The following ADGRG5 variants were observed in gnomAD, a reference collection of about 807,000 sequenced individuals.
ADGRG5 encodes adhesion G protein-coupled receptor G5.
ADGRG5 carries 37 observed loss-of-function variants against 53.2 expected under a neutral mutation model. The observed-to-expected ratio is 0.70, with a 90% CI of 0.53 to 0.91. ADGRG5 has a LOEUF of 0.91. Ranked by LOEUF, ADGRG5 falls within the 40% of genes least tolerant of loss-of-function variation. ADGRG5 has a pLI of 0.00. For missense variants in ADGRG5, 614 were observed against 675.8 expected, an observed-to-expected ratio of 0.91 and a Z score of 1.01; for synonymous variants, 277 against 290.4, an observed-to-expected ratio of 0.95 and a Z score of 0.47.
At position 57,565,021 on chromosome 16, in the gene ADGRG5, GC is replaced by G; in HGVS notation, c.430-12del. 1 of 1,566,096 alleles carries G rather than the reference GC, an allele frequency of 6.4e-7. No homozygotes were observed. On this transcript the variant is annotated splice_polypyrimidine_tract_variant and intron_variant, in intron 5 of 11. Coordinates refer to ENST00000349457, the MANE Select transcript of ADGRG5 (RefSeq NM_001304376.3). ...TTCCCCTCCACTCAGCCCTTCTCCT[GC>G]TGCCCTTCCAGGATGAAAACAACTC...
At chr16:57,536,214 C>A in the ADGRG5 span, among the ~76,000 whole-genome samples, 2 of 152,102 alleles carry the variant, frequency 1.3e-5, no homozygotes, top group Non-Finnish European at 2.9e-5. Context: ...CCGCCGCCCC[C>A]TCCCGTCCGG....
intron 1 of ADGRG5, among the ~76,000 whole-genome samples, chr16:57,551,168 C>T (rs1306420578): frequency 6.6e-6 from 1 of 152,208 alleles, no homozygotes; most frequent in African/African-American, 2.4e-5. Context: ...GAGCCTTCAA[C>T]AAATCACACG....
intron 1 of ADGRG5, among the ~76,000 whole-genome samples, chr16:57,548,193 TA>T (rs1212549095): frequency 6.6e-6 from 1 of 151,540 alleles, no homozygotes; most frequent in African/African-American, 2.4e-5. Flanking sequence ...TTTTTTTTTT[TA>T]AAGAATACAC....
At position 57,561,109 on chromosome 16, in the gene ADGRG5, T is replaced by A. The variant is rs148693883; in HGVS notation, c.-38-947T>A. ...TCGCTGTTTTTAGCCTCTTCCTTCA[T>A]CCCCTCTTCAGAGGTTACTGATGCC... On this transcript the variant is annotated intron_variant, in intron 1 of 11. Coordinates refer to ENST00000349457, the MANE Select transcript of ADGRG5 (RefSeq NM_001304376.3). 3.3e-5 allele frequency among the ~76,000 whole-genome samples: 5 copies of A among 152,330 alleles called. No individual in the cohort carries two copies. In the East Asian group the frequency reaches 9.7e-4, roughly 29 times the overall value.
intron 1 of ADGRG5, among the ~76,000 whole-genome samples, chr16:57,561,216 T>C (rs1461263883): frequency 1.3e-5 from 2 of 152,242 alleles, no homozygotes; most frequent in Non-Finnish European, 2.9e-5. Flanking sequence ...TGCAGGCACT[T>C]GGGTTCAACT....
chr16:57,575,861 GT>G lies in ADGRG5; in HGVS notation c.*324del. 1 of 328,040 alleles carries G rather than the reference GT, an allele frequency of 3.0e-6. No individual in the cohort carries two copies. The highest frequency in any genetic ancestry group is 5.9e-6 in the Non-Finnish European group (1 of 169,586). 20.3% of individuals were successfully genotyped at this position (328,040 alleles called of 1,614,324 possible). ...GCCAAGTTTCAAGGACTGTCTTTGAGTCTGTCTGTATGACCTTGGGCCTGCC... is the reference window on the plus strand; with the variant it reads ...GCCAAGTTTCAAGGACTGTCTTTGAGCTGTCTGTATGACCTTGGGCCTGCC... On this transcript the variant is annotated 3_prime_UTR_variant, in exon 12 of 12. Transcript: ENST00000349457.
intron 2 of ADGRG5, 24 bp from the exon 3 acceptor site, chr16:57,562,360 T>G: frequency 6.3e-7 from 1 of 1,589,400 alleles, no homozygotes; most frequent in Non-Finnish European, 8.6e-7. Context: ...AGACACAAAC[T>G]GAGGGGGAGG....
upstream of ADGRG5, among the ~76,000 whole-genome samples, chr16:57,537,808 G>C (rs2032426650): frequency 6.6e-6 from 1 of 152,118 alleles, no homozygotes. Flanking sequence ...CATTTGCTTT[G>C]TATTTGTTAT....
chr16:57,555,271 T>C (rs1379532366), intron 1 of ADGRG5, among the ~76,000 whole-genome samples: 1 of 152,204 alleles, frequency 6.6e-6, no homozygotes, highest in Non-Finnish European at 1.5e-5. Flanking sequence ...AATCTCCATG[T>C]GTCATGGGAG....
At chr16:57,539,299 C>T (rs566177577), upstream of ADGRG5, among the ~76,000 whole-genome samples, 57 of 152,162 alleles carry the variant, frequency 3.7e-4, no homozygotes, top group African/African-American at 5.3e-4. Context: ...GAAAATAGAA[C>T]GGTGATTGCT....
Position 57,570,426 on chromosome 16 carries a change from G to T in ADGRG5, c.1099G>T (p.Ala367Ser). 6.2e-7 allele frequency: 1 copy of T among 1,612,024 alleles called. No homozygotes were observed. Among genetic ancestry groups the T allele is most frequent in the Non-Finnish European group, 8.5e-7 (1 of 1,179,714 alleles). Residue 367 changes from alanine (A) to serine (S), a missense_variant, in exon 10 of 12, where the codon GCC (alanine) becomes TCC (serine). Physicochemically the swap from Ala to Ser is moderately conservative, Grantham distance 99 (BLOSUM62 1). Transcript: ENST00000349457. ...KLGVLGWGAP[A>S]LLVLLSLSVK... ...TTTGTCCCACCCCTCAGGGGCCCCA[G>T]CCCTCCTGGTGCTGCTTTCCCTCTC...
chr16:57,557,560 C>A (rs559584521), intron 1 of ADGRG5, among the ~76,000 whole-genome samples: 1 of 151,990 alleles, frequency 6.6e-6, no homozygotes, highest in Non-Finnish European at 1.5e-5. Context: ...CTTTCTGTTT[C>A]TATTTATTCT....
chr16:57,575,480 C>T lies in ADGRG5; in HGVS notation c.1529C>T (p.Ser510Leu), dbSNP rs150635750. ...FLWFCSQRCRSEAEAKAQIEA... is the reference protein window; with the variant it reads ...FLWFCSQRCRLEAEAKAQIEA... ...TGGTTCTGCTCCCAGCGGTGCCGCTCAGAAGCAGAGGCCAAGGCACAGATA... is the reference window on the plus strand; with the variant it reads ...TGGTTCTGCTCCCAGCGGTGCCGCTTAGAAGCAGAGGCCAAGGCACAGATA... The change falls in exon 12 of 12, where the codon TCA (serine) becomes TTA (leucine). Residue 510 changes from serine to leucine, a missense_variant. Ser to Leu is a moderately radical substitution (Grantham distance 145). Transcript: ENST00000349457. The T allele has an allele frequency of 9.4e-5, 151 of 1,614,212 alleles. No individual in the cohort carries two copies. The African/African-American group carries it at 1.8e-3, about 19-fold the overall frequency.
chr16:57,547,690 G>A (rs1446610058), intron 1 of ADGRG5, among the ~76,000 whole-genome samples: 6 of 151,986 alleles, frequency 3.9e-5, no homozygotes, highest in Non-Finnish European at 5.9e-5. Context: ...TGTGATCCGC[G>A]CCTGCCTCGG....
At chr16:57,558,851 T>TG (rs2032938199) in intron 1 of ADGRG5, among the ~76,000 whole-genome samples, 1 of 150,658 alleles carries the variant, frequency 6.6e-6, no homozygotes, top group South Asian at 2.1e-4. Flanking sequence ...TTTTTTTTTT[T>TG]GGTTTTCTTT....
chr16:57,554,165 A>G (rs1256167433), intron 1 of ADGRG5, among the ~76,000 whole-genome samples: 7 of 151,962 alleles, frequency 4.6e-5, no homozygotes, highest in African/African-American at 1.7e-4. Context: ...AATTGTTAAT[A>G]TTATTCTCCT....
intron 1 of ADGRG5, among the ~76,000 whole-genome samples, chr16:57,545,166 A>C (rs1422931328): frequency 6.6e-6 from 1 of 152,184 alleles, no homozygotes; most frequent in African/African-American, 2.4e-5. Flanking sequence ...AACCAAATAA[A>C]TAAGAACCCA....
At position 57,575,525 on chromosome 16, in the gene ADGRG5, AAAC is replaced by A. The variant is rs1193829393; in HGVS notation, c.1579_1581del (p.Thr527del). On this transcript the variant is annotated inframe_deletion, in exon 12 of 12. Coordinates refer to ENST00000349457, the MANE Select transcript of ADGRG5 (RefSeq NM_001304376.3). ...CAGATAGAGGCCTTCAGCTCCTCCC[AAAC>A]AACACAGTAGTCCGGGCCTCCTGGC... The A allele has an allele frequency of 6.2e-7, 1 of 1,613,858 alleles. No individual in the cohort carries two copies. The highest frequency in any genetic ancestry group is 2.2e-5 in the East Asian group (1 of 44,880).
In ADGRG5 at chr16:57,567,546, C is replaced by G. The variant is rs754328864; in HGVS notation, c.776C>G (p.Ser259Cys). 1.1e-4 allele frequency: 174 copies of G among 1,611,860 alleles called. No homozygotes were observed. The highest frequency in any genetic ancestry group is 1.4e-4 in the Non-Finnish European group (168 of 1,179,924). ...ATCTCCCTCGTGGGCTGCAGCATCTCCATCGTGGCCTCGCTGATCACAGTC... is the reference window on the plus strand; with the variant it reads ...ATCTCCCTCGTGGGCTGCAGCATCTGCATCGTGGCCTCGCTGATCACAGTC... ...TYISLVGCSI[S>C]IVASLITVLL... is the part of the protein sequence containing the mutation. Residue 259 changes from serine to cysteine, a missense_variant, in exon 8 of 12, where the codon TCC becomes TGC. Coordinates refer to ENST00000349457, the MANE Select transcript of ADGRG5 (RefSeq NM_001304376.3).
Sources: gnomAD v4.1 joint callset for allele counts (sites outside exome capture counted in the v4.1 genomes callset) on GRCh38, gnomAD v4.1.1 for gene constraint, MANE v1.5 for transcripts, NCBI Gene and HGNC (gene_info 2026-07-23, HGNC 2026-07-21) for gene names.